PRH1: variants seen among roughly 807,000 people sequenced by gnomAD.
PRH1 encodes proline rich protein HaeIII subfamily 1.
A neutral mutation model predicts 7.9 loss-of-function variants in PRH1; 7 were observed. That is an observed-to-expected ratio of 0.89 (90% CI 0.50 to 1.67). The LOEUF is 1.67. PRH1 is among the 40% of genes most tolerant of loss of function. The probability of loss-of-function intolerance (pLI) is 0.00; values close to 1 mark genes in which losing one functional copy is unlikely to be tolerated. For missense variants in PRH1, 109 were observed against 223.6 expected, an observed-to-expected ratio of 0.49 and a Z score of 3.27; for synonymous variants, 45 against 80.8, an observed-to-expected ratio of 0.56 and a Z score of 2.38.
At position 11,077,281 on chromosome 12, in the gene PRH1, G is replaced by T. The variant is rs1210259849; in HGVS notation, n.124-30093C>A. On this transcript the variant is annotated intron_variant and non_coding_transcript_variant, in intron 1 of 4. Transcript: ENST00000541977. ...TCAAGACATCATCAGTTTGTTTTCT[G>T]CTAGAAGACACACGATGCACCCCTT... The T allele has an allele frequency of 2.1e-5, 5 of 240,940 alleles. No homozygotes were observed. In the East Asian group the frequency reaches 2.4e-4, roughly 12 times the overall value. The allele number at this position is 240,940 out of a possible 1,614,324, so 14.9% of individuals were successfully genotyped here.
At chr12:11,151,794 A>T (rs1241250360) in intron 1 of PRH1, among the ~76,000 whole-genome samples, 1 of 152,180 alleles carries the variant, frequency 6.6e-6, no homozygotes, top group African/African-American at 2.4e-5. Flanking sequence ...TTGGGTACTA[A>T]ATTTATTTAA....
intron 2 of PRH1, chr12:10,909,632 T>C (rs1816269901): frequency 7.7e-6 from 2 of 258,432 alleles, no homozygotes; most frequent in Non-Finnish European, 1.5e-5. Flanking sequence ...AGATATATTC[T>C]CTTTCATTGT....
chr12:11,082,284 C>G, intron 1 of PRH1, among the ~76,000 whole-genome samples: 1 of 114,538 alleles, frequency 8.7e-6, no homozygotes, highest in East Asian at 2.1e-4. Context: ...TGGGAGAACA[C>G]TATTATTCTT....
chr12:11,121,693 C>T (rs2708339), intron 1 of PRH1, among the ~76,000 whole-genome samples: 67,671 of 150,374 alleles, frequency 0.45, 15,769 homozygotes, highest in Non-Finnish European at 0.52. Context: ...TTTTGGTATA[C>T]ATATACAAAA....
chr12:11,141,551 T>G (rs1245200613), intron 1 of PRH1, among the ~76,000 whole-genome samples: 1 of 152,194 alleles, frequency 6.6e-6, no homozygotes, highest in Non-Finnish European at 1.5e-5. Flanking sequence ...TTCTGCTTCA[T>G]ATAGGTATGC....
intron 2 of PRH1, among the ~76,000 whole-genome samples, chr12:10,952,074 T>C (rs1222685578): frequency 6.6e-6 from 1 of 152,210 alleles, no homozygotes; most frequent in African/African-American, 2.4e-5. Flanking sequence ...TATGAAGAGT[T>C]AGTACACATT....
intron 2 of PRH1, among the ~76,000 whole-genome samples, chr12:10,897,218 T>C (rs528749097): frequency 6.6e-6 from 1 of 152,294 alleles, no homozygotes; most frequent in African/African-American, 2.4e-5. Flanking sequence ...AAAAATTAAA[T>C]AAGATTAAAA....
At chr12:10,916,366 T>C (rs933813361) in intron 2 of PRH1, among the ~76,000 whole-genome samples, 1 of 152,136 alleles carries the variant, frequency 6.6e-6, no homozygotes, top group African/African-American at 2.4e-5. Context: ...CAGTTTAACA[T>C]ATTATGAGAC....
At chr12:11,042,623 CTTTTTTTTTTT>C (rs71051557) in intron 1 of PRH1, among the ~76,000 whole-genome samples, 6 of 79,320 alleles carry the variant, frequency 7.6e-5, no homozygotes, top group African/African-American at 2.1e-4. Context: ...CAGGCTCATT[CTTTTTTTTTTT>C]TTTTTTTTTT....
chr12:11,126,231 C>T (rs769706804), intron 1 of PRH1, among the ~76,000 whole-genome samples: 4 of 152,224 alleles, frequency 2.6e-5, no homozygotes, highest in African/African-American at 9.6e-5. Flanking sequence ...TTGTTTCCTC[C>T]GTCCCTACTG....
chr12:11,015,863 G>GT (rs2136052740), intron 1 of PRH1, among the ~76,000 whole-genome samples: 1 of 152,266 alleles, frequency 6.6e-6, no homozygotes, highest in East Asian at 1.9e-4. Context: ...TTTGTTCCCT[G>GT]TTTCCTGCTT....
rs1477063441 is a variant in PRH1 at position 10,931,297 on chromosome 12, T to C, written c.-59+42358A>G. The C allele has an allele frequency of 4.0e-6, 4 of 988,556 alleles. No homozygotes were observed. The African/African-American group carries it at 6.6e-5, about 16-fold the overall frequency. 61.2% of individuals were successfully genotyped at this position (988,556 alleles called of 1,614,324 possible). On this transcript the variant is annotated intron_variant, in intron 2 of 3. Coordinates refer to the PRH1 transcript ENST00000539853. ...AATTTTGAGAATCACTATCTTCAAA[T>C]TACCTCTCTTAAATAGGGTTGGGAA... is the stretch of plus-strand genomic sequence containing the variant.
intron 1 of PRH1, among the ~76,000 whole-genome samples, chr12:11,065,367 T>A (rs1943763109): frequency 6.7e-6 from 1 of 148,400 alleles, no homozygotes; most frequent in South Asian, 2.2e-4. Context: ...TTACCACTTT[T>A]GGAAAAATCT....
intron 1 of PRH1, among the ~76,000 whole-genome samples, chr12:11,113,743 C>T (rs2264192): frequency 0.46 from 69,151 of 151,974 alleles, 16,537 homozygotes; most frequent in Non-Finnish European, 0.53. Context: ...AGAGCTTCTG[C>T]ACAGCAAAAG....
At chr12:10,899,000 A>G (rs1200097938) in intron 2 of PRH1, among the ~76,000 whole-genome samples, 1 of 152,204 alleles carries the variant, frequency 6.6e-6, no homozygotes, top group Non-Finnish European at 1.5e-5. Context: ...ATTATTTTAG[A>G]ACGTTAATAT....
At chr12:11,170,247 T>C (rs1230483304) in intron 1 of PRH1, among the ~76,000 whole-genome samples, 1 of 152,216 alleles carries the variant, frequency 6.6e-6, no homozygotes, top group Non-Finnish European at 1.5e-5. Context: ...CTAATGGTAT[T>C]AAGAGTTTGG....
intron 1 of PRH1, among the ~76,000 whole-genome samples, chr12:11,105,875 T>A (rs977818070): frequency 6.6e-6 from 1 of 152,130 alleles, no homozygotes; most frequent in East Asian, 1.9e-4. Context: ...TTCTTGGGAA[T>A]CTCAGAAAGG....
At chr12:10,901,087 C>T (rs140304049) in intron 2 of PRH1, among the ~76,000 whole-genome samples, 2 of 152,214 alleles carry the variant, frequency 1.3e-5, no homozygotes, top group Admixed American at 6.5e-5. Context: ...AAAGCACCTG[C>T]TCACACAGAC....
intron 1 of PRH1, among the ~76,000 whole-genome samples, chr12:11,128,110 C>CAAAAAAAAAAAA (rs71434172): frequency 9.9e-5 from 10 of 100,540 alleles, no homozygotes; most frequent in East Asian, 3.5e-4. Context: ...GACTCAGTCT[C>CAAAAAAAAAAAA]AAAAAAAAAA....
Sources: gnomAD v4.1 joint callset for allele counts (sites outside exome capture counted in the v4.1 genomes callset) on GRCh38, gnomAD v4.1.1 for gene constraint, MANE v1.5 for transcripts, NCBI Gene and HGNC (gene_info 2026-07-23, HGNC 2026-07-21) for gene names.